Variants in SGCZ observed in about 807,000 individuals in gnomAD.
SGCZ encodes the protein sarcoglycan zeta.
A neutral mutation model predicts 41.3 loss-of-function variants in SGCZ; 40 were observed. The ratio of observed to expected loss-of-function variants is 0.97; its 90% CI spans 0.75 to 1.26. The LOEUF (loss-of-function observed/expected upper bound fraction) is 1.26. SGCZ is among the 50% of genes most tolerant of loss of function. The probability of loss-of-function intolerance (pLI) is 0.00; values close to 1 mark genes in which losing one functional copy is unlikely to be tolerated. For missense variants in SGCZ, 552 were observed against 369.8 expected (o/e 1.49, Z -4.04); for synonymous variants, 206 against 137.5 (o/e 1.50, Z -3.49).
chr8:14,542,079 G>A (rs1803486919), intron 2 of SGCZ, among the ~76,000 whole-genome samples: 1 of 152,028 alleles, frequency 6.6e-6, no homozygotes, highest in African/African-American at 2.4e-5. Flanking sequence ...CATTCTGTAG[G>A]TTGCCTGTTC....
At chr8:14,308,402 G>A (rs941375188) in intron 3 of SGCZ, among the ~76,000 whole-genome samples, 1 of 151,992 alleles carries the variant, frequency 6.6e-6, no homozygotes, top group African/African-American at 2.4e-5. Context: ...ATTTGTGAGT[G>A]GATATTCTTT....
At chr8:14,884,345 C>T (rs890215267) in intron 1 of SGCZ, among the ~76,000 whole-genome samples, 2 of 152,000 alleles carry the variant, frequency 1.3e-5, no homozygotes, top group Non-Finnish European at 2.9e-5. Flanking sequence ...AGTTAAGGAA[C>T]AGTGTGATAT....
At chr8:14,454,178 T>G in intron 2 of SGCZ, among the ~76,000 whole-genome samples, 1 of 152,234 alleles carries the variant, frequency 6.6e-6, no homozygotes, top group East Asian at 1.9e-4. Flanking sequence ...AGCCAAGGTA[T>G]GGTGGCAGGA....
chr8:14,116,266 ATAGT>A (rs1757059123), intron 5 of SGCZ, among the ~76,000 whole-genome samples: 1 of 152,132 alleles, frequency 6.6e-6, no homozygotes, highest in Non-Finnish European at 1.5e-5. Context: ...CCTGAGCTGC[ATAGT>A]TAATCTACAT....
chr8:14,533,292 G>A (rs1803193276), intron 2 of SGCZ, among the ~76,000 whole-genome samples: 1 of 151,674 alleles, frequency 6.6e-6, no homozygotes, highest in South Asian at 2.1e-4. Flanking sequence ...ATGTACCTTT[G>A]TAAAATTTAA....
chr8:15,098,923 T>A (rs982454015), intron 1 of SGCZ, among the ~76,000 whole-genome samples: 8 of 152,014 alleles, frequency 5.3e-5, no homozygotes, highest in Non-Finnish European at 1.0e-4. Context: ...CCGGGGGTGG[T>A]GGTGGGTGCC....
chr8:14,923,472 T>C (rs868321605), intron 1 of SGCZ, among the ~76,000 whole-genome samples: 12 of 152,170 alleles, frequency 7.9e-5, no homozygotes, highest in Admixed American at 5.9e-4. Flanking sequence ...ATGGTTCCCA[T>C]AGTATTTGCT....
chr8:14,572,234 CA>C (rs1476161667), intron 1 of SGCZ, among the ~76,000 whole-genome samples: 3 of 151,958 alleles, frequency 2.0e-5, no homozygotes, highest in African/African-American at 7.2e-5. Context: ...TTTATATTTC[CA>C]AAAAGGCTAA....
intron 2 of SGCZ, among the ~76,000 whole-genome samples, chr8:14,544,425 T>G (rs1431386253): frequency 6.6e-6 from 1 of 152,044 alleles, no homozygotes; most frequent in East Asian, 1.9e-4. Flanking sequence ...TCTGATTGCC[T>G]GCGGGGTCGG....
At chr8:14,175,138 G>C (rs1176642711) in intron 4 of SGCZ, among the ~76,000 whole-genome samples, 1 of 152,052 alleles carries the variant, frequency 6.6e-6, no homozygotes, top group Non-Finnish European at 1.5e-5. Context: ...TGTCTTCAAT[G>C]CCCTAGAAGA....
intron 4 of SGCZ, among the ~76,000 whole-genome samples, chr8:14,213,208 G>A (rs1339600756): frequency 1.4e-5 from 2 of 139,166 alleles, no homozygotes; most frequent in East Asian, 4.1e-4. Flanking sequence ...GATTTAAGAA[G>A]CTGAAAGAGA....
rs1801456722 is a variant in SGCZ, at chr8:14,309,492, C to T, written c.336+14611G>A. On this transcript the variant is annotated intron_variant, in intron 3 of 7. Transcript: ENST00000382080. ...TGTGGCGCTGTTGTTAATGTTAGAG[C>T]TAATTGTGATAAGAGAGCAGTGTGG... 12 of 1,608,092 alleles carry T rather than the reference C, an allele frequency of 7.5e-6. No individual in the cohort carries two copies. The South Asian group carries it at 1.3e-4, about 18-fold the overall frequency.
chr8:14,999,452 A>G (rs895557145), intron 1 of SGCZ, among the ~76,000 whole-genome samples: 1 of 152,192 alleles, frequency 6.6e-6, no homozygotes, highest in Non-Finnish European at 1.5e-5. Flanking sequence ...AGAGGAGGAA[A>G]AAGTTCTCCA....
At chr8:14,354,779 A>C (rs1018764943) in intron 2 of SGCZ, among the ~76,000 whole-genome samples, 2 of 151,896 alleles carry the variant, frequency 1.3e-5, no homozygotes, top group African/African-American at 4.8e-5. Flanking sequence ...AAAGCTAAAA[A>C]ACATGACTTT....
intron 3 of SGCZ, among the ~76,000 whole-genome samples, chr8:14,290,807 A>C (rs1800814455): frequency 6.6e-6 from 1 of 152,150 alleles, no homozygotes; most frequent in South Asian, 2.1e-4. Context: ...TACCAGTAGA[A>C]CTACCATATG....
chr8:14,863,538 C>T (rs1012759560), intron 1 of SGCZ, among the ~76,000 whole-genome samples: 12 of 152,086 alleles, frequency 7.9e-5, no homozygotes, highest in African/African-American at 2.4e-4. Context: ...GTGCCTGAGT[C>T]ACCTAGAAAG....
chr8:14,109,105 GTCA>G (rs1382971881), intron 5 of SGCZ, among the ~76,000 whole-genome samples: 1 of 152,198 alleles, frequency 6.6e-6, no homozygotes, highest in African/African-American at 2.4e-5. Context: ...TAGAGAACAT[GTCA>G]TGTTACTTTG....
chr8:14,717,192 A>T (rs1203484044), intron 1 of SGCZ, among the ~76,000 whole-genome samples: 1 of 152,094 alleles, frequency 6.6e-6, no homozygotes, highest in East Asian at 1.9e-4. Flanking sequence ...TAAATAACAA[A>T]GCTTAGTATG....
intron 1 of SGCZ, among the ~76,000 whole-genome samples, chr8:14,797,991 T>C (rs545889235): frequency 5.9e-5 from 9 of 152,312 alleles, no homozygotes; most frequent in South Asian, 2.1e-4. Context: ...AATACCTGCA[T>C]GTCTAAGCAG....
Sources: allele counts gnomAD v4.1 joint callset (sites outside exome capture counted in the v4.1 genomes callset), GRCh38; gene constraint gnomAD v4.1.1; transcripts MANE v1.5; gene names NCBI Gene and HGNC (gene_info 2026-07-23, HGNC 2026-07-21).